Variants in PXDNL observed in about 807,000 individuals in gnomAD.
PXDNL encodes probable oxidoreductase PXDNL.
PXDNL carries 145 observed loss-of-function variants against 150.8 expected under a neutral mutation model. The observed-to-expected ratio is 0.96, with a 90% confidence interval of 0.84 to 1.10. The LOEUF is 1.10. PXDNL is among the 50% of genes least tolerant of loss of function. The pLI is 0.00. For synonymous variants in PXDNL, 757 were observed against 725.7 expected (o/e 1.04, Z -0.69); for missense variants, 2,087 against 1,873.9 (o/e 1.11, Z -2.10).
intron 17 of PXDNL, among the ~76,000 whole-genome samples, chr8:51,388,419 G>C (rs1438079770): frequency 6.6e-6 from 1 of 152,028 alleles, no homozygotes; most frequent in Non-Finnish European, 1.5e-5. Context: ...ACTTGAGTTA[G>C]ACACTTAATG....
At chr8:51,801,152 G>A (rs745921915) in intron 1 of PXDNL, among the ~76,000 whole-genome samples, 1 of 152,092 alleles carries the variant, frequency 6.6e-6, no homozygotes, top group African/African-American at 2.4e-5. Context: ...GCATTCCTGG[G>A]GGGAGGTCTA....
Position 51,554,882 on chromosome 8 carries a change from C to G in PXDNL, c.380+1958G>C, listed in dbSNP as rs528115891. Among the ~76,000 whole-genome samples, 150 of 152,292 alleles carry G rather than the reference C, an allele frequency of 9.8e-4. 5 individuals are homozygous for G. In the South Asian group the frequency reaches 0.029, roughly 30 times the overall value. ...CAGCTCTCCTTTTCTTTTGAGCCCT[C>G]GCCAGAACTGCCCTTAATGATCTGT... On this transcript the variant is annotated intron_variant, in intron 4 of 22. Transcript: ENST00000356297.
chr8:51,446,859 G>T, intron 12 of PXDNL, 145 bp downstream of exon 12: 1 of 480,974 alleles, frequency 2.1e-6, no homozygotes. Flanking sequence ...CTGATTGGAA[G>T]AAGATATCAA....
intron 4 of PXDNL, among the ~76,000 whole-genome samples, chr8:51,509,185 GC>G (rs1219191397): frequency 1.3e-5 from 2 of 152,110 alleles, no homozygotes; most frequent in East Asian, 3.9e-4. Flanking sequence ...AGGTTAATTA[GC>G]TTGACTTGGC....
chr8:51,723,462 C>T (rs552145930), intron 1 of PXDNL, among the ~76,000 whole-genome samples: 21 of 152,316 alleles, frequency 1.4e-4, no homozygotes, highest in African/African-American at 3.4e-4. Context: ...CAGTCCTGCA[C>T]GGGCGATATC....
At chr8:51,797,946 C>T (rs1036563820) in intron 1 of PXDNL, among the ~76,000 whole-genome samples, 11 of 152,148 alleles carry the variant, frequency 7.2e-5, no homozygotes, top group Non-Finnish European at 1.6e-4. Context: ...GCTACAGTAA[C>T]CAAAACAGCA....
At chr8:51,756,331 G>T (rs2037100713) in intron 1 of PXDNL, among the ~76,000 whole-genome samples, 1 of 151,140 alleles carries the variant, frequency 6.6e-6, no homozygotes, top group African/African-American at 2.4e-5. Context: ...GGCAGAAGTT[G>T]CAGTGAGTCC....
At chr8:51,695,298 T>C (rs1156781042) in intron 1 of PXDNL, among the ~76,000 whole-genome samples, 1 of 152,220 alleles carries the variant, frequency 6.6e-6, no homozygotes, top group Non-Finnish European at 1.5e-5. Flanking sequence ...ATGCTTAGTT[T>C]CTCATTTAAT....
At chr8:51,496,542 G>C (rs565201132) in intron 5 of PXDNL, among the ~76,000 whole-genome samples, 1 of 152,282 alleles carries the variant, frequency 6.6e-6, no homozygotes, top group South Asian at 2.1e-4. Flanking sequence ...CGTCGTCTCA[G>C]CCCAAAATCT....
Position 51,521,979 on chromosome 8 carries a change from A to G in PXDNL, c.381-22209T>C, listed in dbSNP as rs916498306. Among the ~76,000 whole-genome samples, 8 of 152,344 alleles carry G rather than the reference A, an allele frequency of 5.3e-5. 1 individual carries two copies. In the South Asian group the frequency reaches 1.7e-3, roughly 32 times the overall value. On this transcript the variant is annotated intron_variant, in intron 4 of 22. Coordinates refer to ENST00000356297, the MANE Select transcript of PXDNL (RefSeq NM_144651.5). ...CTCAGACAAACAAAAACTGAGGCAA[A>G]ATAAACATAACTAAGAAAATTCTTC...
intron 1 of PXDNL, among the ~76,000 whole-genome samples, chr8:51,658,846 C>T (rs1420226853): frequency 6.6e-6 from 1 of 152,098 alleles, no homozygotes; most frequent in Non-Finnish European, 1.5e-5. Flanking sequence ...CTAACTTCTC[C>T]ACAGTACTCC....
chr8:51,717,380 A>ATAGAT (rs1457091857), intron 1 of PXDNL, among the ~76,000 whole-genome samples: 3 of 152,230 alleles, frequency 2.0e-5, no homozygotes, highest in Non-Finnish European at 4.4e-5. Context: ...CACATTATCC[A>ATAGAT]GTTGGCCAGC....
intron 1 of PXDNL, among the ~76,000 whole-genome samples, chr8:51,682,655 GT>G (rs1228872985): frequency 6.6e-6 from 1 of 152,082 alleles, no homozygotes; most frequent in Non-Finnish European, 1.5e-5. Context: ...CAAATAGTCT[GT>G]TTTCTTAGAA....
At chr8:51,499,813 A>G (rs963129176) in intron 4 of PXDNL, 43 bp from the exon 5 acceptor site, 4 of 1,291,824 alleles carry the variant, frequency 3.1e-6, no homozygotes, top group Non-Finnish European at 4.5e-6. Context: ...TGTGCTGGTG[A>G]GTAAAATAAA....
chr8:51,576,171 C>G (rs1349520843), intron 3 of PXDNL, among the ~76,000 whole-genome samples: 1 of 145,308 alleles, frequency 6.9e-6, no homozygotes, highest in Admixed American at 7.0e-5. Context: ...ACAACACAGT[C>G]TAACTCACAT....
intron 17 of PXDNL, among the ~76,000 whole-genome samples, chr8:51,403,029 G>A (rs1808310051): frequency 6.7e-6 from 1 of 148,878 alleles, no homozygotes; most frequent in African/African-American, 2.5e-5. Flanking sequence ...GGTGGAGCTT[G>A]CAGTAAGCTG....
chr8:51,500,575 G>A (rs975690617), intron 4 of PXDNL, among the ~76,000 whole-genome samples: 5 of 152,200 alleles, frequency 3.3e-5, no homozygotes, highest in African/African-American at 1.2e-4. Flanking sequence ...GAAAATTTAA[G>A]TGTATTCCCT....
At chr8:51,591,361 G>T (rs1813439099) in intron 3 of PXDNL, among the ~76,000 whole-genome samples, 1 of 152,178 alleles carries the variant, frequency 6.6e-6, no homozygotes, top group Non-Finnish European at 1.5e-5. Flanking sequence ...TGAAACTTTA[G>T]GACTCAGTAA....
intron 4 of PXDNL, among the ~76,000 whole-genome samples, chr8:51,506,096 AT>A (rs1266862493): frequency 6.6e-6 from 1 of 152,214 alleles, no homozygotes; most frequent in Non-Finnish European, 1.5e-5. Flanking sequence ...CCAGCATCTC[AT>A]TTGCATGCTG....
Sources: gnomAD v4.1 joint callset for allele counts (sites outside exome capture counted in the v4.1 genomes callset) on GRCh38, gnomAD v4.1.1 for gene constraint, MANE v1.5 for transcripts, NCBI Gene and HGNC (gene_info 2026-07-23, HGNC 2026-07-21) for gene names.